The following MARK2 variants were observed in gnomAD, a reference collection of about 807,000 sequenced individuals.
MARK2 encodes the protein serine/threonine-protein kinase MARK2.
In MARK2, 16 loss-of-function variants were observed where a neutral mutation model predicts 89.8. The observed-to-expected ratio is 0.18, with a 90% CI of 0.12 to 0.27. The LOEUF is 0.27. Among genes scored for constraint, MARK2 ranks in the 10% least tolerant of loss-of-function variants. The pLI is 1.00. For missense variants in MARK2, 621 were observed against 1,049.9 expected (o/e 0.59, Z 5.65); for synonymous variants, 382 against 399.5 (o/e 0.96, Z 0.52).
chr11:63,901,198 C>A, intron 11 of MARK2, 129 bp downstream of exon 11: 2 of 671,652 alleles, frequency 3.0e-6, no homozygotes, highest in Non-Finnish European at 5.3e-6. Flanking sequence ...AATTTTAAGC[C>A]TCAGCTTTGG....
intron 1 of MARK2, among the ~76,000 whole-genome samples, chr11:63,875,696 A>G (rs1938708836): frequency 1.3e-5 from 2 of 152,228 alleles, no homozygotes; most frequent in Non-Finnish European, 2.9e-5. Flanking sequence ...TTCATGGGCT[A>G]TAAAACTCAA....
intron 1 of MARK2, chr11:63,868,424 A>G (rs904333758): frequency 1.1e-5 from 2 of 185,262 alleles, no homozygotes; most frequent in African/African-American, 4.7e-5. Flanking sequence ...TAAGTCTGAT[A>G]TCAGTCTATC....
intron 5 of MARK2, 28 bp downstream of exon 5, chr11:63,898,701 G>C (rs1341738382): frequency 6.2e-7 from 1 of 1,612,372 alleles, no homozygotes; most frequent in Non-Finnish European, 8.5e-7. Context: ...TCTTCCTGTT[G>C]TGCCCCCACT....
chr11:63,899,529 A>G (rs1940694662), intron 7 of MARK2, among the ~76,000 whole-genome samples: 1 of 152,130 alleles, frequency 6.6e-6, no homozygotes, highest in South Asian at 2.1e-4. Context: ...CTCCATCACC[A>G]AGATACTCAA....
chr11:63,897,130 A>G (rs1048085912), intron 3 of MARK2, among the ~76,000 whole-genome samples: 4 of 152,268 alleles, frequency 2.6e-5, no homozygotes, highest in African/African-American at 9.6e-5. Context: ...AGCCCAGAAA[A>G]CCCCAAGTTC....
chr11:63,850,969 C>T (rs903768043), intron 1 of MARK2, among the ~76,000 whole-genome samples: 1 of 152,132 alleles, frequency 6.6e-6, no homozygotes, highest in African/African-American at 2.4e-5. Flanking sequence ...TCTTCAAGTA[C>T]GGTATTGACC....
intron 1 of MARK2, among the ~76,000 whole-genome samples, chr11:63,861,400 A>G (rs994139906): frequency 6.6e-6 from 1 of 151,946 alleles, no homozygotes; most frequent in African/African-American, 2.4e-5. Flanking sequence ...GCACCACTGC[A>G]CTCCTGCCTG....
chr11:63,899,550 A>T (rs1373656032), intron 7 of MARK2, among the ~76,000 whole-genome samples: 4 of 152,156 alleles, frequency 2.6e-5, no homozygotes, highest in Non-Finnish European at 5.9e-5. Context: ...GTTTGAGGAC[A>T]CCTGTGGGTC....
chr11:63,888,701 T>C, intron 1 of MARK2: 1 of 1,191,278 alleles, frequency 8.4e-7, no homozygotes, highest in South Asian at 1.5e-5. Flanking sequence ...CCAGTCTCTC[T>C]GCTAGTGGTG....
At chr11:63,842,527 CG>C (rs1379660847) in intron 1 of MARK2, among the ~76,000 whole-genome samples, 1 of 151,926 alleles carries the variant, frequency 6.6e-6, no homozygotes, top group Non-Finnish European at 1.5e-5. Context: ...TTCTTTAAAA[CG>C]GGAAAAAAGA....
At position 63,895,201 on chromosome 11, in the gene MARK2, A is replaced by C. The variant is rs1940273035; in HGVS notation, c.97A>C (p.Asn33His). ...HLDSKPSSKS[N>H]MIRGRNSATS... ...TGACTCCAAGCCCAGCAGTAAGTCCAACATGATTCGGGGCCGCAACTCAGC... is the reference window on the plus strand; with the variant it reads ...TGACTCCAAGCCCAGCAGTAAGTCCCACATGATTCGGGGCCGCAACTCAGC... Residue 33 changes from asparagine (N) to histidine (H), a missense_variant, in exon 2 of 19, where the codon AAC becomes CAC. By Grantham distance (68) the Asn-to-His change is moderately conservative (BLOSUM62 1). Coordinates refer to ENST00000402010, the MANE Select transcript of MARK2 (RefSeq NM_001039469.3). 1 of 1,614,148 alleles carries C rather than the reference A, an allele frequency of 6.2e-7. No homozygotes were observed. Among genetic ancestry groups the C allele is most frequent in the Non-Finnish European group, 8.5e-7 (1 of 1,179,992 alleles).
rs114667833 is a variant in MARK2 at position 63,840,401 on chromosome 11, T to C, written c.54+841T>C. ...TAGGTCCCTGGGCCTCTTGTTTCTC[T>C]CTGTGAGTGTTCTACCAGCCTTCTA... On this transcript the variant is annotated intron_variant, in intron 1 of 18. Transcript: ENST00000402010. 1.0e-3 allele frequency among the ~76,000 whole-genome samples: 156 copies of C among 152,312 alleles called. 1 individual carries two copies. The highest frequency in any genetic ancestry group is 3.6e-3 in the African/African-American group (151 of 41,570).
At chr11:63,871,054 A>G (rs1938415650) in intron 1 of MARK2, among the ~76,000 whole-genome samples, 1 of 152,200 alleles carries the variant, frequency 6.6e-6, no homozygotes, top group Non-Finnish European at 1.5e-5. Flanking sequence ...TTTTACATGT[A>G]TATGTGTATA....
At chr11:63,887,997 G>T (rs562041443) in intron 1 of MARK2, among the ~76,000 whole-genome samples, 8 of 152,082 alleles carry the variant, frequency 5.3e-5, no homozygotes, top group Non-Finnish European at 1.2e-4. Context: ...CAAAATCTAG[G>T]ATTAAATATG....
In MARK2 at chr11:63,909,325, G is replaced by T. The variant is rs1278128882; in HGVS notation, c.*88G>T. The T allele has an allele frequency of 1.5e-6, 2 of 1,365,274 alleles. No homozygotes were observed. The highest frequency in any genetic ancestry group is 9.8e-7 in the Non-Finnish European group (1 of 1,025,580). 84.6% of individuals were successfully genotyped at this position (1,365,274 alleles called of 1,614,324 possible). A position where few individuals can be genotyped will look rare whatever the true frequency, so the allele number is the denominator to read the frequency against. ...CGCCCCACCTGGGCGAGACTGCAGC[G>T]ATGGATTGGTGTGTCTCCCCTGCTG... On this transcript the variant is annotated 3_prime_UTR_variant, in exon 19 of 19. Coordinates refer to ENST00000402010, the MANE Select transcript of MARK2 (RefSeq NM_001039469.3).
chr11:63,872,160 A>G (rs911667583), intron 1 of MARK2, among the ~76,000 whole-genome samples: 1 of 152,088 alleles, frequency 6.6e-6, no homozygotes, highest in African/African-American at 2.4e-5. Flanking sequence ...CCTGACAAAT[A>G]TTTCTGTCAC....
intron 1 of MARK2, among the ~76,000 whole-genome samples, chr11:63,859,878 C>T (rs986239880): frequency 1.3e-5 from 2 of 152,236 alleles, no homozygotes; most frequent in Admixed American, 6.5e-5. Flanking sequence ...GATCCACCTG[C>T]CGTGGCCTCC....
At chr11:63,894,025 C>T (rs1940144467) in intron 1 of MARK2, among the ~76,000 whole-genome samples, 1 of 152,170 alleles carries the variant, frequency 6.6e-6, no homozygotes, top group Non-Finnish European at 1.5e-5. Flanking sequence ...GTTTATATGC[C>T]TCTTCAGTGC....
chr11:63,899,714 C>G (rs1940713576), intron 7 of MARK2, among the ~76,000 whole-genome samples, 160 bp from the exon 8 acceptor site: 1 of 152,178 alleles, frequency 6.6e-6, no homozygotes. Context: ...TCCTGCCCAG[C>G]CTATTCACGC....
Sources: gnomAD v4.1 joint callset for allele counts (sites outside exome capture counted in the v4.1 genomes callset) on GRCh38, gnomAD v4.1.1 for gene constraint, MANE v1.5 for transcripts, NCBI Gene and HGNC (gene_info 2026-07-23, HGNC 2026-07-21) for gene names.